The following MALRD1 variants were observed in gnomAD, a reference collection of about 807,000 sequenced individuals.
MALRD1 encodes the protein MAM and LDL-receptor class A domain-containing protein 1.
Under a neutral mutation model 242.1 loss-of-function variants are expected in MALRD1, and 247 were observed. That is an observed-to-expected ratio of 1.02 (90% CI 0.92 to 1.13). The LOEUF (loss-of-function observed/expected upper bound fraction) is 1.13, where lower values mean the gene tolerates loss of function less well. MALRD1 is among the 50% of genes most tolerant of loss of function. MALRD1 has a pLI of 0.00. For synonymous variants in MALRD1, 995 were observed against 866.6 expected, an observed-to-expected ratio of 1.15 and a Z score of -2.60; for missense variants, 2,989 against 2,533.1, an observed-to-expected ratio of 1.18 and a Z score of -3.86.
At chr10:19,411,882 A>G (rs761259648) in intron 28 of MALRD1, among the ~76,000 whole-genome samples, 28 of 152,366 alleles carry the variant, frequency 1.8e-4, no homozygotes, top group Non-Finnish European at 2.9e-4. Flanking sequence ...CTTTCTGATT[A>G]AATGTGTAAG....
rs564503301 is a variant in MALRD1, at chr10:19,389,608, A to G, written c.4844A>G (p.Lys1615Arg). Residue 1615 changes from lysine to arginine, a missense_variant and splice_region_variant, in exon 28 of 40, where the codon AAG becomes AGG. By Grantham distance (26) the Lys-to-Arg change is conservative. Transcript: ENST00000454679. ...KATGSIQILI[K>R]TEKGLSKVWQ... ...ACAGGATCCATTCAGATTCTCATCAAGGTAGGAACATGGCCTGTGATGCCT... is the reference window on the plus strand; with the variant it reads ...ACAGGATCCATTCAGATTCTCATCAGGGTAGGAACATGGCCTGTGATGCCT... The G allele has an allele frequency of 1.3e-6, 2 of 1,549,392 alleles. No individual in the cohort carries two copies. The highest frequency in any genetic ancestry group is 2.7e-5 in the African/African-American group (2 of 73,058).
At chr10:19,696,595 T>C (rs1397931656) in intron 38 of MALRD1, among the ~76,000 whole-genome samples, 1 of 151,894 alleles carries the variant, frequency 6.6e-6, no homozygotes, top group Non-Finnish European at 1.5e-5. Flanking sequence ...AGAAAAAAAA[T>C]GATATTTTTA....
rs145395508 is a variant in MALRD1 at position 19,126,190 on chromosome 10, T to C, written c.943+1520T>C. 3.9e-5 allele frequency among the ~76,000 whole-genome samples: 6 copies of C among 152,270 alleles called. No homozygotes were observed. In the East Asian group the frequency reaches 1.2e-3, roughly 29 times the overall value. On this transcript the variant is annotated intron_variant, in intron 7 of 39. Coordinates refer to ENST00000454679, the MANE Select transcript of MALRD1 (RefSeq NM_001142308.3). ...TTTTAAAAATGTTTCTTTATCTTTG[T>C]TATTTGAAAATTTCAGTATGATGAG...
intron 10 of MALRD1, among the ~76,000 whole-genome samples, chr10:19,140,046 A>G (rs1224471082): frequency 1.3e-5 from 2 of 152,232 alleles, no homozygotes; most frequent in East Asian, 1.9e-4. Flanking sequence ...TATTAATAAA[A>G]TATTTATAAT....
intron 36 of MALRD1, among the ~76,000 whole-genome samples, chr10:19,681,284 A>G (rs868295923): frequency 1.3e-5 from 2 of 152,226 alleles, no homozygotes; most frequent in Middle Eastern, 6.8e-3. Flanking sequence ...CATCTCTTTC[A>G]GGTACCCCAA....
intron 18 of MALRD1, among the ~76,000 whole-genome samples, chr10:19,237,845 T>TTA (rs1266784594): frequency 2.3e-5 from 2 of 86,706 alleles, no homozygotes; most frequent in Non-Finnish European, 4.4e-5. Context: ...TTATATATAA[T>TTA]TATATAGTTA....
chr10:19,358,193 CAAGTGTGTGTGTGT>C (rs755126836), intron 26 of MALRD1, among the ~76,000 whole-genome samples: 105 of 89,676 alleles, frequency 1.2e-3, no homozygotes, highest in African/African-American at 3.5e-3. Flanking sequence ...GGGCAGGAGT[CAAGTGTGTGTGTGT>C]GTGTGTGTGT....
chr10:19,206,863 T>C (rs1836810279), intron 17 of MALRD1, among the ~76,000 whole-genome samples: 1 of 152,190 alleles, frequency 6.6e-6, no homozygotes, highest in East Asian at 1.9e-4. Flanking sequence ...ACGCAGCAAC[T>C]TGCCATTCAC....
intron 24 of MALRD1, among the ~76,000 whole-genome samples, chr10:19,331,900 C>G (rs1843388866): frequency 6.6e-6 from 1 of 152,176 alleles, no homozygotes; most frequent in Non-Finnish European, 1.5e-5. Flanking sequence ...CGGAATCTCA[C>G]TCTGTTGCAG....
intron 4 of MALRD1, among the ~76,000 whole-genome samples, chr10:19,095,018 G>A (rs925226859): frequency 6.6e-6 from 1 of 152,050 alleles, no homozygotes; most frequent in Non-Finnish European, 1.5e-5. Context: ...CTTGCTCTGT[G>A]AGTCAATTTA....
At chr10:19,047,894 G>A (rs571484250), upstream of MALRD1, among the ~76,000 whole-genome samples, 5 of 152,116 alleles carry the variant, frequency 3.3e-5, no homozygotes, top group East Asian at 3.9e-4. Flanking sequence ...TGCCTCTTGC[G>A]GTTACACTGC....
In MALRD1 at chr10:19,280,209, A is replaced by ATG. The variant is rs1434657296; in HGVS notation, c.3243_3244dup (p.Glu1082ValfsTer103). The stretch of plus-strand genomic sequence containing the variant: ...AAATATGACTGCCCTGACAAATCAG[A>ATG]TGAAGCATCCTGTGGTAGGTGGATT... On this transcript the variant is annotated frameshift_variant, in exon 20 of 40. Transcript: ENST00000454679. LOFTEE classifies it high-confidence loss of function. 2.0e-6 allele frequency: 3 copies of ATG among 1,511,422 alleles called. No homozygotes were observed. The African/African-American group carries it at 4.2e-5, about 21-fold the overall frequency. The allele number at this position is 1,511,422 out of a possible 1,614,324, so 93.6% of individuals were successfully genotyped here.
intron 28 of MALRD1, among the ~76,000 whole-genome samples, chr10:19,423,078 GAT>G: frequency 6.6e-6 from 1 of 152,256 alleles, no homozygotes; most frequent in East Asian, 1.9e-4. Flanking sequence ...TTGAAAGTCT[GAT>G]ATTAACCAAA....
At chr10:19,663,193 G>C (rs1053780616) in intron 36 of MALRD1, among the ~76,000 whole-genome samples, 2 of 151,896 alleles carry the variant, frequency 1.3e-5, no homozygotes, top group Admixed American at 1.3e-4. Flanking sequence ...TCATATTTTT[G>C]AGTCTCCAGT....
intron 32 of MALRD1, 99 bp downstream of exon 32, chr10:19,531,450 G>A (rs1191965069): frequency 1.0e-5 from 12 of 1,180,738 alleles, no homozygotes; most frequent in Admixed American, 2.6e-5. Flanking sequence ...TGGTCACACC[G>A]CCAGTGCTGA....
chr10:19,200,229 A>G (rs1362621870), intron 14 of MALRD1, among the ~76,000 whole-genome samples: 5 of 152,168 alleles, frequency 3.3e-5, no homozygotes, highest in African/African-American at 1.2e-4. Context: ...TTCACTCTAC[A>G]TTTATGTTCT....
chr10:19,407,904 C>G (rs1277689146), intron 28 of MALRD1, among the ~76,000 whole-genome samples: 1 of 152,120 alleles, frequency 6.6e-6, no homozygotes, highest in African/African-American at 2.4e-5. Context: ...CAAAAATGTT[C>G]AAAGCAGAGA....
At chr10:19,084,638 C>T (rs560234169) in intron 2 of MALRD1, among the ~76,000 whole-genome samples, 1 of 152,000 alleles carries the variant, frequency 6.6e-6, no homozygotes, top group Admixed American at 6.6e-5. Flanking sequence ...TCTACCTTAT[C>T]TTTCCTGAAG....
chr10:19,126,878 G>A (rs1278737904), intron 7 of MALRD1, among the ~76,000 whole-genome samples: 1 of 151,938 alleles, frequency 6.6e-6, no homozygotes, highest in African/African-American at 2.4e-5. Flanking sequence ...TAAGACCAGC[G>A]TGCATTAGCT....
Sources: gnomAD v4.1 joint callset for allele counts (sites outside exome capture counted in the v4.1 genomes callset) on GRCh38, gnomAD v4.1.1 for gene constraint, MANE v1.5 for transcripts, NCBI Gene and HGNC (gene_info 2026-07-23, HGNC 2026-07-21) for gene names.